Variants in SLC36A1 observed in about 807,000 individuals in gnomAD.
The protein encoded by SLC36A1 is proton-coupled amino acid transporter 1.
In SLC36A1, 30 loss-of-function variants were observed where a neutral mutation model predicts 47.5. That is an observed-to-expected ratio of 0.63 (90% CI 0.47 to 0.86). The LOEUF is 0.86. Among genes scored for constraint, SLC36A1 ranks in the 40% least tolerant of loss-of-function variants. The pLI is 0.00. For synonymous variants in SLC36A1, 255 were observed against 249.7 expected, an observed-to-expected ratio of 1.02 and a Z score of -0.20; for missense variants, 517 against 606.0, an observed-to-expected ratio of 0.85 and a Z score of 1.54.
the SLC36A1 span, among the ~76,000 whole-genome samples, chr5:151,385,872 CTT>C: frequency 1.2e-3 from 156 of 132,696 alleles, 1 homozygote; most frequent in South Asian, 6.2e-3. Flanking sequence ...CCTTCTGTAT[CTT>C]TTTTTTTTTT....
intron 1 of SLC36A1, among the ~76,000 whole-genome samples, chr5:151,453,259 G>A (rs1204727783): frequency 6.6e-6 from 1 of 151,728 alleles, no homozygotes; most frequent in Non-Finnish European, 1.5e-5. Context: ...ATGCTAAGGT[G>A]GAATCAAGTT....
the SLC36A1 span, among the ~76,000 whole-genome samples, chr5:151,519,808 C>G: frequency 2.1e-3 from 314 of 152,158 alleles, 1 homozygote; most frequent in Middle Eastern, 6.8e-3. Context: ...ATGAGTTTAT[C>G]TAGTATTTCT....
intron 1 of SLC36A1, among the ~76,000 whole-genome samples, chr5:151,458,543 T>C (rs1378646142): frequency 6.6e-6 from 1 of 152,080 alleles, no homozygotes; most frequent in Non-Finnish European, 1.5e-5. Flanking sequence ...AAGAAATTTA[T>C]GAGTGTAGCA....
the SLC36A1 span, chr5:151,504,595 C>T: frequency 1.3e-5 from 2 of 152,636 alleles, no homozygotes; most frequent in Admixed American, 1.3e-4. Flanking sequence ...TCCAACCGGC[C>T]CTAAATAGGA....
At chr5:151,537,675 A>G in the SLC36A1 span, 1 of 986,708 alleles carries the variant, frequency 1.0e-6, no homozygotes, top group African/African-American at 1.6e-5. Flanking sequence ...GGGCCAATAT[A>G]TGTTTGCTGA....
chr5:151,462,637 A>G (rs1051504456), intron 2 of SLC36A1, among the ~76,000 whole-genome samples: 6 of 151,660 alleles, frequency 4.0e-5, no homozygotes, highest in African/African-American at 4.8e-5. Context: ...TGCTGGGATT[A>G]CAGGCATGAG....
the SLC36A1 span, among the ~76,000 whole-genome samples, chr5:151,498,428 A>G: frequency 6.6e-6 from 1 of 152,214 alleles, no homozygotes; most frequent in East Asian, 1.9e-4. Flanking sequence ...ACTCAAATCC[A>G]GTGAAGGAAA....
At chr5:151,400,287 C>T in the SLC36A1 span, among the ~76,000 whole-genome samples, 2 of 152,174 alleles carry the variant, frequency 1.3e-5, no homozygotes, top group East Asian at 3.8e-4. Flanking sequence ...AGTTAATTTG[C>T]TGAGGATAAT....
At chr5:151,496,724 T>C (rs925906362), downstream of SLC36A1, among the ~76,000 whole-genome samples, 2 of 152,182 alleles carry the variant, frequency 1.3e-5, no homozygotes, top group African/African-American at 4.8e-5. Context: ...CCTAGCTGAT[T>C]TTTGTACTTT....
chr5:151,551,919 T>A, the SLC36A1 span, among the ~76,000 whole-genome samples: 1 of 152,130 alleles, frequency 6.6e-6, no homozygotes, highest in East Asian at 1.9e-4. Context: ...TGGAAATATG[T>A]TCATGATATA....
the SLC36A1 span, among the ~76,000 whole-genome samples, chr5:151,537,195 G>A: frequency 6.6e-6 from 1 of 150,680 alleles, no homozygotes; most frequent in Admixed American, 6.7e-5. Context: ...AAGAGAGAGA[G>A]AGAGAAAGAA....
the SLC36A1 span, among the ~76,000 whole-genome samples, chr5:151,364,420 C>T: frequency 5.6e-3 from 856 of 152,246 alleles, 9 homozygotes; most frequent in African/African-American, 0.019. Flanking sequence ...AAGTGATTGT[C>T]CCATTTTAGA....
chr5:151,400,404 C>T, the SLC36A1 span, among the ~76,000 whole-genome samples: 4,823 of 152,250 alleles, frequency 0.032, 230 homozygotes, highest in African/African-American at 0.11. Context: ...ATCCAATTCA[C>T]AACTGATGGA....
chr5:151,364,491 G>T, the SLC36A1 span, among the ~76,000 whole-genome samples: 2 of 152,116 alleles, frequency 1.3e-5, no homozygotes, highest in Non-Finnish European at 2.9e-5. Context: ...TCTTGGTATT[G>T]TCTGCCTCTT....
chr5:151,522,026 C>T, the SLC36A1 span: 1 of 1,612,706 alleles, frequency 6.2e-7, no homozygotes. Context: ...TGGCTCTGCT[C>T]TGTGACATGG....
At chr5:151,469,797 A>G (rs1286059959) in intron 7 of SLC36A1, among the ~76,000 whole-genome samples, 1 of 151,038 alleles carries the variant, frequency 6.6e-6, no homozygotes, top group Non-Finnish European at 1.5e-5. Flanking sequence ...ATATATTAGT[A>G]TTTATATATA....
chr5:151,402,224 T>G, the SLC36A1 span, among the ~76,000 whole-genome samples: 1 of 152,230 alleles, frequency 6.6e-6, no homozygotes, highest in Non-Finnish European at 1.5e-5. Flanking sequence ...TCAAAAGCTT[T>G]TTCTGCATCA....
At chr5:151,375,562 A>T in the SLC36A1 span, among the ~76,000 whole-genome samples, 1 of 152,042 alleles carries the variant, frequency 6.6e-6, no homozygotes, top group South Asian at 2.1e-4. Context: ...GAGGGGTTCC[A>T]TATAAATTTT....
downstream of SLC36A1, among the ~76,000 whole-genome samples, chr5:151,495,849 A>T (rs1182257625): frequency 1.3e-5 from 2 of 152,116 alleles, no homozygotes; most frequent in African/African-American, 4.8e-5. Flanking sequence ...TGTTGCATTT[A>T]TCAATAGTTT....
Sources: gnomAD v4.1 joint callset for allele counts (sites outside exome capture counted in the v4.1 genomes callset) on GRCh38, gnomAD v4.1.1 for gene constraint, MANE v1.5 for transcripts, NCBI Gene and HGNC (gene_info 2026-07-23, HGNC 2026-07-21) for gene names.